The following NRDC variants were observed in gnomAD, a reference collection of about 807,000 sequenced individuals.
NRDC encodes nardilysin.
In NRDC, 54 loss-of-function variants were observed where a neutral mutation model predicts 147.1. The ratio of observed to expected loss-of-function variants is 0.37; its 90% confidence interval spans 0.29 to 0.46. The LOEUF (loss-of-function observed/expected upper bound fraction) is 0.46, where lower values mean the gene tolerates loss of function less well. NRDC is among the 20% of genes least tolerant of loss of function. The probability of loss-of-function intolerance (pLI) is 1.00; values close to 1 mark genes in which losing one functional copy is unlikely to be tolerated. For synonymous variants in NRDC, 440 were observed against 482.1 expected (o/e 0.91, Z 1.14); for missense variants, 1,082 against 1,370.6 (o/e 0.79, Z 3.33).
rs1163167734 is a variant in NRDC, at chr1:51,794,576, G to A, written c.2671C>T (p.Pro891Ser). The A allele has an allele frequency of 6.2e-7, 1 of 1,614,160 alleles. No individual in the cohort carries two copies. The highest frequency in any genetic ancestry group is 1.1e-5 in the South Asian group (1 of 91,086). Reference protein sequence around the residue: ...LNFKPLEQEMPVQFQVVELPS... With the variant: ...LNFKPLEQEMSVQFQVVELPS... ...AGCTCTACCACCTGGAACTGCACAG[G>A]CATCTCCTGCTCCAGAGGCTTGAAG... The change falls in exon 24 of 31, where the codon CCT becomes TCT. Residue 891 changes from proline to serine, a missense_variant. Physicochemically the swap from Pro to Ser is moderately conservative, Grantham distance 74. This residue lies in a region of NRDC where 635 missense variants were observed against 923.8 expected (regional missense o/e 0.69). Coordinates refer to ENST00000352171, the MANE Select transcript of NRDC (RefSeq NM_001101662.2).
At chr1:51,792,576 C>T in intron 24 of NRDC, 152 bp from the exon 25 acceptor site, 1 of 701,114 alleles carries the variant, frequency 1.4e-6, no homozygotes, top group Non-Finnish European at 2.5e-6. Context: ...TACATATCTG[C>T]TTTCCCACCA....
At chr1:51,862,716 GCC>G (rs979622784) in intron 1 of NRDC, among the ~76,000 whole-genome samples, 1 of 150,590 alleles carries the variant, frequency 6.6e-6, no homozygotes, top group African/African-American at 2.4e-5. Context: ...GACTGAGGAG[GCC>G]CTGTCTTAAA....
intron 24 of NRDC, 28 bp from the exon 25 acceptor site, chr1:51,792,452 T>C (rs1445176816): frequency 5.0e-6 from 8 of 1,611,022 alleles, no homozygotes; most frequent in Non-Finnish European, 6.8e-6. Flanking sequence ...TCAGGCCAAC[T>C]GAATATCCAG....
intron 2 of NRDC, among the ~76,000 whole-genome samples, chr1:51,836,881 T>C (rs932994491): frequency 1.3e-5 from 2 of 151,970 alleles, no homozygotes; most frequent in African/African-American, 4.8e-5. Flanking sequence ...TTTGGGAAAA[T>C]CAGAGTTTTT....
Position 51,809,417 on chromosome 1 carries a change from AT to A in NRDC, c.1904-17del. 1 of 1,511,278 alleles carries A rather than the reference AT, an allele frequency of 6.6e-7. No individual in the cohort carries two copies. Among genetic ancestry groups the A allele is most frequent in the East Asian group, 2.3e-5 (1 of 44,334 alleles). 93.6% of individuals were successfully genotyped at this position (1,511,278 alleles called of 1,614,324 possible). A position where few individuals can be genotyped will look rare whatever the true frequency, so the allele number is the denominator to read the frequency against. On this transcript the variant is annotated splice_polypyrimidine_tract_variant and intron_variant, in intron 16 of 30. Coordinates refer to ENST00000352171, the MANE Select transcript of NRDC (RefSeq NM_001101662.2). ...TTTTCAATATCTGTAAAGGAGAAAAATAAACTGACCCAATAAACAATGCAAT... is the reference window on the plus strand; with the variant it reads ...TTTTCAATATCTGTAAAGGAGAAAAAAAACTGACCCAATAAACAATGCAAT...
At chr1:51,842,537 C>A (rs1330219007) in intron 1 of NRDC, among the ~76,000 whole-genome samples, 1 of 152,090 alleles carries the variant, frequency 6.6e-6, no homozygotes, top group Non-Finnish European at 1.5e-5. Flanking sequence ...GTGGTATATT[C>A]ATATAATGAA....
chr1:51,791,523 C>T, intron 27 of NRDC, 55 bp downstream of exon 27: 5 of 1,385,242 alleles, frequency 3.6e-6, no homozygotes, highest in Non-Finnish European at 4.1e-6. Context: ...CACATGTAGC[C>T]CCTACTCTCC....
rs919233194 is a variant in NRDC at position 51,878,715 on chromosome 1, G to A, written c.-100C>T. Reference sequence around the variant, plus strand: ...CCGGCCCTGGTGCTGCCGCAGCCGCGGGGAACAGGCCTGAACCCCTCCCCC... The same window carrying A: ...CCGGCCCTGGTGCTGCCGCAGCCGCAGGGAACAGGCCTGAACCCCTCCCCC... On this transcript the variant is annotated 5_prime_UTR_variant, in exon 1 of 31. Transcript: ENST00000352171. 11 of 1,085,100 alleles carry A rather than the reference G, an allele frequency of 1.0e-5. No homozygotes were observed. The highest frequency in any genetic ancestry group is 4.6e-4 in the Middle Eastern group (2 of 4,350). The allele number at this position is 1,085,100 out of a possible 1,614,324, so 67.2% of individuals were successfully genotyped here.
chr1:51,806,536 G>A (rs985617743), intron 18 of NRDC, among the ~76,000 whole-genome samples: 3 of 152,134 alleles, frequency 2.0e-5, no homozygotes, highest in African/African-American at 2.4e-5. Flanking sequence ...GTCTTCAAAC[G>A]GAAGGGGAAA....
chr1:51,859,226 T>TA (rs1190928973), intron 1 of NRDC, among the ~76,000 whole-genome samples: 5 of 152,256 alleles, frequency 3.3e-5, no homozygotes, highest in African/African-American at 1.2e-4. Flanking sequence ...ATCCTTTATG[T>TA]AAGCTATAAT....
Position 51,794,712 on chromosome 1 carries a change from A to G in NRDC, c.2637-102T>C. On this transcript the variant is annotated intron_variant, in intron 23 of 30. Transcript: ENST00000352171. ...TTGTACACCAGCCTCAAAAAAATCT[A>G]CTACAAGTAGTATTTCAATTGGGTG... 3.2e-6 allele frequency: 5 copies of G among 1,584,196 alleles called. No homozygotes were observed. The South Asian group carries it at 3.4e-5, about 11-fold the overall frequency.
chr1:51,797,937 A>G (rs904873363), intron 22 of NRDC: 3 of 223,648 alleles, frequency 1.3e-5, no homozygotes, highest in African/African-American at 6.8e-5. Flanking sequence ...TGCCTGGCTA[A>G]TTTTTTATTT....
intron 1 of NRDC, among the ~76,000 whole-genome samples, chr1:51,840,732 A>G (rs1205740018): frequency 1.3e-5 from 2 of 152,204 alleles, no homozygotes; most frequent in East Asian, 3.8e-4. Context: ...AGGTAAGAAC[A>G]CTTCATAATA....
At chr1:51,825,180 A>G in intron 6 of NRDC, 107 bp downstream of exon 6, 1 of 744,150 alleles carries the variant, frequency 1.3e-6, no homozygotes, top group Non-Finnish European at 2.2e-6. Context: ...AAAAGGTAAA[A>G]GGTACCTAGG....
intron 1 of NRDC, among the ~76,000 whole-genome samples, chr1:51,847,870 G>A (rs1306717500): frequency 6.6e-6 from 1 of 152,274 alleles, no homozygotes; most frequent in African/African-American, 2.4e-5. Flanking sequence ...GGGCACCGAG[G>A]CCGAGGAGGC....
At chr1:51,824,407 A>G (rs1680352851) in intron 6 of NRDC, among the ~76,000 whole-genome samples, 2 of 152,170 alleles carry the variant, frequency 1.3e-5, no homozygotes, top group African/African-American at 2.4e-5. Flanking sequence ...TACAGGCGTG[A>G]GCCACCGCGC....
intron 1 of NRDC, among the ~76,000 whole-genome samples, chr1:51,863,825 A>T (rs183720988): frequency 1.1e-3 from 170 of 152,364 alleles, no homozygotes; most frequent in African/African-American, 4.0e-3. Context: ...GAATATGCTC[A>T]ATTAAAGTCA....
chr1:51,798,277 C>G lies in NRDC; in HGVS notation c.2576G>C (p.Gly859Ala). The G allele has an allele frequency of 6.2e-7, 1 of 1,614,152 alleles. No homozygotes were observed. Among genetic ancestry groups the G allele is most frequent in the South Asian group, 1.1e-5 (1 of 91,074 alleles). Residue 859 changes from glycine (G) to alanine (A), a missense_variant, in exon 22 of 31, where the codon GGC (glycine) becomes GCC (alanine). Transcript: ENST00000352171. ...GCTTGTGACATTCCCTTGTACCAGGCCCTCCACAAAGAGCTGGGATTTGAA... is the reference window on the plus strand; with the variant it reads ...GCTTGTGACATTCCCTTGTACCAGGGCCTCCACAAAGAGCTGGGATTTGAA... ...KEFKSQLFVE[G>A]LVQGNVTSTE...
intron 25 of NRDC, 98 bp downstream of exon 25, chr1:51,792,279 C>A (rs1678692196): frequency 7.2e-7 from 1 of 1,383,474 alleles, no homozygotes; most frequent in African/African-American, 1.4e-5. Context: ...AATCACAGAT[C>A]TCTGACTACC....
Sources: allele counts gnomAD v4.1 joint callset (sites outside exome capture counted in the v4.1 genomes callset), GRCh38; gene constraint gnomAD v4.1.1; regional missense constraint gnomAD v4.1.1; transcripts MANE v1.5; gene names NCBI Gene and HGNC (gene_info 2026-07-23, HGNC 2026-07-21).